CDK15: variants seen among roughly 807,000 people sequenced by gnomAD.
The protein encoded by CDK15 is cyclin dependent kinase 15, also known as cyclin-dependent kinase 15.
In CDK15, 62 loss-of-function variants were observed where a neutral mutation model predicts 60.3. That is an observed-to-expected ratio of 1.03 (90% confidence interval 0.84 to 1.27). The LOEUF (loss-of-function observed/expected upper bound fraction) is 1.27. Among genes scored for constraint, CDK15 ranks in the 50% most tolerant of loss-of-function variants. CDK15 has a pLI of 0.00. For synonymous variants in CDK15, 194 were observed against 195.7 expected (o/e 0.99, Z 0.07); for missense variants, 541 against 527.8 (o/e 1.03, Z -0.25).
chr2:201,888,742 T>G, intron 12 of CDK15: 1 of 1,182,152 alleles, frequency 8.5e-7, no homozygotes, highest in African/African-American at 1.6e-5. Flanking sequence ...CCCTCCCTGC[T>G]TTTGAGGAGC....
At chr2:201,878,827 G>T (rs1010181320) in intron 11 of CDK15, among the ~76,000 whole-genome samples, 1 of 152,114 alleles carries the variant, frequency 6.6e-6, no homozygotes, top group Non-Finnish European at 1.5e-5. Context: ...AGAGCAAAAG[G>T]GCTCTCTCAA....
chr2:201,892,331 A>G (rs1699665008), intron 13 of CDK15, among the ~76,000 whole-genome samples: 1 of 152,178 alleles, frequency 6.6e-6, no homozygotes. Context: ...TCATAAAATT[A>G]TCAAAGATAC....
intron 12 of CDK15, chr2:201,889,269 A>T: frequency 1.0e-6 from 1 of 985,354 alleles, no homozygotes; most frequent in Non-Finnish European, 1.2e-6. Flanking sequence ...AGCACCCCAG[A>T]TTTATGCAAA....
intron 12 of CDK15, among the ~76,000 whole-genome samples, chr2:201,889,638 C>T (rs911291846): frequency 1.3e-5 from 2 of 152,074 alleles, no homozygotes; most frequent in African/African-American, 2.4e-5. Context: ...TGGGAAAATG[C>T]GAACTGCCAG....
At chr2:201,852,564 T>G (rs939279478) in intron 9 of CDK15, among the ~76,000 whole-genome samples, 2 of 152,232 alleles carry the variant, frequency 1.3e-5, no homozygotes. Flanking sequence ...CTATGCAAAC[T>G]TTGAATCCAT....
At chr2:201,858,795 A>G (rs189853321) in intron 10 of CDK15, among the ~76,000 whole-genome samples, 2 of 152,290 alleles carry the variant, frequency 1.3e-5, no homozygotes, top group Non-Finnish European at 2.9e-5. Flanking sequence ...TAAATCTTGA[A>G]AAAAGAGGGA....
chr2:201,806,628 G>A lies in CDK15; in HGVS notation c.-37G>A, dbSNP rs1173031595. On this transcript the variant is annotated 5_prime_UTR_variant, in exon 1 of 14. Transcript: ENST00000652192. ...GGATAGGAGAGGCAGTGGGGGAAAGGTTCAAGTGCGGGTTTTCTCCTTGAA... is the reference window on the plus strand; with the variant it reads ...GGATAGGAGAGGCAGTGGGGGAAAGATTCAAGTGCGGGTTTTCTCCTTGAA... The A allele has an allele frequency of 3.2e-6, 5 of 1,547,110 alleles. No homozygotes were observed. Among genetic ancestry groups the A allele is most frequent in the African/African-American group, 1.3e-5 (1 of 74,206 alleles).
chr2:201,850,897 T>C (rs535787306), intron 9 of CDK15, among the ~76,000 whole-genome samples: 1 of 152,306 alleles, frequency 6.6e-6, no homozygotes, highest in South Asian at 2.1e-4. Flanking sequence ...TTTTCATATA[T>C]CTCTTGGCCA....
rs1223421847 is a variant in CDK15 at position 201,865,889 on chromosome 2, CAACAAAAAAA to C, written c.1010-6386_1010-6377del. 3.7e-3 allele frequency among the ~76,000 whole-genome samples: 93 copies of C among 24,828 alleles called. 1 individual carries two copies. The highest frequency in any genetic ancestry group is 0.012 in the African/African-American group (91 of 7,600). The allele number at this position is 24,828 out of a possible 152,430, so 16.3% of individuals were successfully genotyped here. ...TGGGCGACAGAGCAAGATTCCATCT[CAACAAAAAAA>C]AAAAAAAAAAAAAAAAAAAAGCTTG... On this transcript the variant is annotated intron_variant, in intron 10 of 13. Transcript: ENST00000652192.
At chr2:201,851,291 CAAAAAAAAAAAAAA>C (rs1176883047) in intron 9 of CDK15, among the ~76,000 whole-genome samples, 2 of 27,768 alleles carry the variant, frequency 7.2e-5, no homozygotes, top group East Asian at 1.4e-3. Flanking sequence ...GACTTCATCT[CAAAAAAAAAAAAAA>C]AAAAAAAAAA....
At chr2:201,836,168 ATTTATATATTATATATATTTTTT>A (rs1574878715) in intron 8 of CDK15, among the ~76,000 whole-genome samples, 1 of 100,502 alleles carries the variant, frequency 1.0e-5, no homozygotes, top group Non-Finnish European at 1.9e-5. Context: ...ATATTTATAT[ATTTATATATTATATATATTTTTT>A]TATATATATA....
intron 12 of CDK15, 137 bp from the exon 13 acceptor site, chr2:201,890,648 A>G: frequency 1.7e-6 from 1 of 603,412 alleles, no homozygotes; most frequent in Non-Finnish European, 2.9e-6. Context: ...TCTATGAGTC[A>G]GTATGAATTA....
At chr2:201,851,291 C>CAAAAAAAAA (rs1176883047) in intron 9 of CDK15, among the ~76,000 whole-genome samples, 3 of 27,752 alleles carry the variant, frequency 1.1e-4, no homozygotes, top group Non-Finnish European at 1.2e-4. Flanking sequence ...GACTTCATCT[C>CAAAAAAAAA]AAAAAAAAAA....
rs1699295226 is a variant in CDK15, at chr2:201,882,023, C to T, written c.1198+1856C>T. Among the ~76,000 whole-genome samples the T allele has an allele frequency of 6.6e-6, 1 of 152,160 alleles. No homozygotes were observed. Among genetic ancestry groups the T allele is most frequent in the African/African-American group, 2.4e-5 (1 of 41,446 alleles). On this transcript the variant is annotated intron_variant, in intron 12 of 13. Transcript: ENST00000652192. The surrounding 1 kb of genome is among the most constrained non-coding windows in gnomAD (Gnocchi z 4.0). Reference sequence around the variant, plus strand: ...ATCTTCAGAGTTTTCTAGGCTCCAGCTTTTGCTTGACGCAAGATGATTAGG... The same window carrying T: ...ATCTTCAGAGTTTTCTAGGCTCCAGTTTTTGCTTGACGCAAGATGATTAGG...
intron 6 of CDK15, among the ~76,000 whole-genome samples, chr2:201,826,879 C>A (rs1696532294): frequency 6.6e-6 from 1 of 152,154 alleles, no homozygotes; most frequent in African/African-American, 2.4e-5. Flanking sequence ...CTGTAGACTG[C>A]AGTCAAAAAA....
At chr2:201,839,596 A>C (rs976910902) in intron 8 of CDK15, among the ~76,000 whole-genome samples, 3 of 152,218 alleles carry the variant, frequency 2.0e-5, no homozygotes, top group African/African-American at 7.2e-5. Flanking sequence ...GAAAATACCA[A>C]CATAATTATT....
intron 9 of CDK15, 107 bp from the exon 10 acceptor site, chr2:201,854,767 T>A (rs1163348188): frequency 2.3e-6 from 2 of 883,208 alleles, no homozygotes; most frequent in Non-Finnish European, 3.7e-6. Flanking sequence ...GACATACATC[T>A]GACGCTTCCC....
At chr2:201,870,457 C>T (rs548466125) in intron 10 of CDK15, among the ~76,000 whole-genome samples, 15 of 150,738 alleles carry the variant, frequency 1.0e-4, no homozygotes, top group African/African-American at 2.9e-4. Context: ...GCCTGTAATC[C>T]GAGCACTTTG....
intron 10 of CDK15, among the ~76,000 whole-genome samples, chr2:201,867,260 C>G (rs899924714): frequency 2.0e-5 from 3 of 152,148 alleles, no homozygotes; most frequent in Admixed American, 6.5e-5. Flanking sequence ...GAGTGATAGA[C>G]CCTGCCCTCT....
Sources: allele counts gnomAD v4.1 joint callset (sites outside exome capture counted in the v4.1 genomes callset), GRCh38; gene constraint gnomAD v4.1.1; non-coding constraint Gnocchi (gnomAD v3.1); transcripts MANE v1.5; gene names NCBI Gene and HGNC (gene_info 2026-07-23, HGNC 2026-07-21).